SLC12A2: variants seen among roughly 807,000 people sequenced by gnomAD.
SLC12A2 encodes the protein Na-K-2Cl cotransporter 1.
In SLC12A2, 67 loss-of-function variants were observed where a neutral mutation model predicts 136.3. That is an observed-to-expected ratio of 0.49 (90% confidence interval 0.40 to 0.60). The LOEUF (loss-of-function observed/expected upper bound fraction) is 0.60, where lower values mean the gene tolerates loss of function less well. SLC12A2 is among the 20% of genes least tolerant of loss of function. The pLI is 0.00. For synonymous variants in SLC12A2, 619 were observed against 562.9 expected (o/e 1.10, Z -1.41); for missense variants, 1,322 against 1,534.7 (o/e 0.86, Z 2.32).
At chr5:128,181,569 A>C (rs557139541) in intron 23 of SLC12A2, among the ~76,000 whole-genome samples, 23 of 152,350 alleles carry the variant, frequency 1.5e-4, no homozygotes, top group Non-Finnish European at 3.1e-4. Flanking sequence ...ATGGGTACTC[A>C]GAAGCATTGA....
intron 4 of SLC12A2, among the ~76,000 whole-genome samples, chr5:128,115,866 C>G (rs562826862): frequency 6.6e-6 from 1 of 152,272 alleles, no homozygotes; most frequent in South Asian, 2.1e-4. Flanking sequence ...GTTTTAGACA[C>G]CAGAGGATCC....
intron 4 of SLC12A2, among the ~76,000 whole-genome samples, chr5:128,125,289 G>A (rs78797627): frequency 0.017 from 2,603 of 152,286 alleles, 31 homozygotes; most frequent in Non-Finnish European, 0.026. Context: ...GCCTTACTGC[G>A]TGTGAAATGA....
chr5:128,149,851 C>G (rs1332357434), intron 12 of SLC12A2, 146 bp from the exon 13 acceptor site: 1 of 660,894 alleles, frequency 1.5e-6, no homozygotes, highest in Non-Finnish European at 2.7e-6. Context: ...GTATATGAGG[C>G]ATATATGGCA....
intron 25 of SLC12A2, 106 bp from the exon 26 acceptor site, chr5:128,184,683 A>G: frequency 6.4e-7 from 1 of 1,551,670 alleles, no homozygotes; most frequent in Non-Finnish European, 8.8e-7. Flanking sequence ...TATTTTTATT[A>G]CACGAAAATT....
intron 16 of SLC12A2, among the ~76,000 whole-genome samples, chr5:128,160,844 TG>T (rs1581124097): frequency 8.5e-6 from 1 of 118,072 alleles, no homozygotes; most frequent in African/African-American, 3.8e-5. Flanking sequence ...GGTGTGTGTT[TG>T]TGTGTGTGTG....
chr5:128,083,838 G>A lies in SLC12A2; in HGVS notation c.-117G>A. ...GCTAGCGGCGGCCCGCAGGCGGCGG[G>A]GAGAAAGACTCTCTCACCTGGTCTT... On this transcript the variant is annotated 5_prime_UTR_variant, in exon 1 of 27. Transcript: ENST00000262461. 1 of 778,854 alleles carries A rather than the reference G, an allele frequency of 1.3e-6. No homozygotes were observed. 48.2% of individuals were successfully genotyped at this position (778,854 alleles called of 1,614,324 possible). A position where few individuals can be genotyped will look rare whatever the true frequency, so the allele number is the denominator to read the frequency against.
At chr5:128,163,268 C>T (rs746007989) in intron 17 of SLC12A2, among the ~76,000 whole-genome samples, 2 of 152,138 alleles carry the variant, frequency 1.3e-5, no homozygotes, top group Non-Finnish European at 2.9e-5. Context: ...GTGGCTCACT[C>T]CTGTAATCTT....
Position 128,186,619 on chromosome 5 carries a change from C to T in SLC12A2, c.3627C>T (p.Thr1209=). ...LVRGNHQSVL[T]FYS ...GTGGGAATCATCAGAGTGTCCTTAC[C>T]TTCTATTCATAAATGTTCTATACAG... The change falls in exon 27 of 27, where the codon ACC becomes ACT. Residue 1209 remains threonine, a synonymous_variant. Transcript: ENST00000262461. 6.2e-7 allele frequency: 1 copy of T among 1,613,932 alleles called. No individual in the cohort carries two copies. Among genetic ancestry groups the T allele is most frequent in the Non-Finnish European group, 8.5e-7 (1 of 1,179,908 alleles).
chr5:128,168,926 C>T (rs1581131599), intron 18 of SLC12A2: 1 of 152,092 alleles, frequency 6.6e-6, no homozygotes, highest in East Asian at 1.9e-4. Flanking sequence ...CTTTTTTATT[C>T]TTTGCTACTT....
chr5:128,091,450 A>G (rs894279811), intron 1 of SLC12A2, among the ~76,000 whole-genome samples: 37 of 152,250 alleles, frequency 2.4e-4, no homozygotes, highest in African/African-American at 8.7e-4. Flanking sequence ...AGGTAAAACC[A>G]TGAAAACTAG....
At chr5:128,141,251 A>G (rs1762355136) in intron 9 of SLC12A2, among the ~76,000 whole-genome samples, 1 of 152,226 alleles carries the variant, frequency 6.6e-6, no homozygotes, top group Non-Finnish European at 1.5e-5. Flanking sequence ...TGTTTCATCT[A>G]TACCCAAGTC....
intron 1 of SLC12A2, among the ~76,000 whole-genome samples, chr5:128,096,343 A>G (rs934725051): frequency 6.6e-6 from 1 of 152,098 alleles, no homozygotes; most frequent in Non-Finnish European, 1.5e-5. Flanking sequence ...ACTAAGTGAT[A>G]AGTTTGAATC....
chr5:128,183,150 C>A (rs1304838874), intron 24 of SLC12A2, among the ~76,000 whole-genome samples: 1 of 152,040 alleles, frequency 6.6e-6, no homozygotes, highest in Non-Finnish European at 1.5e-5. Flanking sequence ...ATTTAAATTA[C>A]AGCTTTACAT....
intron 17 of SLC12A2, 90 bp downstream of exon 17, chr5:128,161,890 T>C: frequency 1.1e-6 from 1 of 918,034 alleles, no homozygotes; most frequent in Non-Finnish European, 1.5e-6. Context: ...TTCTTCATAC[T>C]AATAAAAATG....
intron 4 of SLC12A2, among the ~76,000 whole-genome samples, chr5:128,121,519 T>G (rs1158547155): frequency 6.6e-6 from 1 of 152,010 alleles, no homozygotes; most frequent in Non-Finnish European, 1.5e-5. Flanking sequence ...AGATGGGGTT[T>G]CATTGTGTGA....
intron 5 of SLC12A2, among the ~76,000 whole-genome samples, chr5:128,133,226 T>G (rs1762085863): frequency 6.6e-6 from 1 of 152,238 alleles, no homozygotes; most frequent in South Asian, 2.1e-4. Flanking sequence ...AATGGGACCC[T>G]TGAAGGTGGA....
Position 128,139,152 on chromosome 5 carries a change from A to C in SLC12A2, c.1621+244A>C, listed in dbSNP as rs570297841. On this transcript the variant is annotated intron_variant, in intron 9 of 26. Coordinates refer to ENST00000262461, the MANE Select transcript of SLC12A2 (RefSeq NM_001046.3). ...GATTTTTATTAATTATGGTAAATTA[A>C]AAAATTATATGAAATTGCATCTATA... 3.9e-5 allele frequency among the ~76,000 whole-genome samples: 6 copies of C among 152,288 alleles called. 1 individual carries two copies. In the South Asian group the frequency reaches 1.2e-3, roughly 32 times the overall value.
chr5:128,182,670 GAAAGT>G (rs1763741336), intron 23 of SLC12A2, among the ~76,000 whole-genome samples, 180 bp from the exon 24 acceptor site: 1 of 152,054 alleles, frequency 6.6e-6, no homozygotes, highest in Non-Finnish European at 1.5e-5. Context: ...TGATTACTCA[GAAAGT>G]AAAGTACTCA....
At chr5:128,165,475 G>T (rs1309790593) in intron 17 of SLC12A2, among the ~76,000 whole-genome samples, 1 of 152,186 alleles carries the variant, frequency 6.6e-6, no homozygotes, top group Non-Finnish European at 1.5e-5. Context: ...TTGCTAAATA[G>T]ATTTCAATTA....
Sources: allele counts gnomAD v4.1 joint callset (sites outside exome capture counted in the v4.1 genomes callset), GRCh38; gene constraint gnomAD v4.1.1; transcripts MANE v1.5; gene names NCBI Gene and HGNC (gene_info 2026-07-23, HGNC 2026-07-21).